Variants in JMJD1C observed in about 807,000 individuals in gnomAD.
JMJD1C encodes jumonji domain containing 1C, also known as jumonji domain-containing protein 1C.
JMJD1C carries 31 observed loss-of-function variants against 245.3 expected under a neutral mutation model. The ratio of observed to expected loss-of-function variants is 0.13; its 90% CI spans 0.09 to 0.17. JMJD1C has a LOEUF of 0.17. Ranked by LOEUF, JMJD1C falls within the 10% of genes least tolerant of loss-of-function variation. JMJD1C has a pLI of 1.00. For synonymous variants in JMJD1C, 1,057 were observed against 1,017.4 expected (o/e 1.04, Z -0.74); for missense variants, 2,691 against 3,000.2 (o/e 0.90, Z 2.41).
intron 2 of JMJD1C, among the ~76,000 whole-genome samples, chr10:63,366,327 CCA>C (rs1356896053): frequency 1.3e-5 from 2 of 152,102 alleles, no homozygotes; most frequent in African/African-American, 4.8e-5. Context: ...GTCTATGATA[CCA>C]CAGAGAGAGG....
chr10:63,204,526 GA>G (rs1846378165), intron 10 of JMJD1C: 4 of 985,246 alleles, frequency 4.1e-6, no homozygotes, highest in South Asian at 9.4e-5. Context: ...TCAAGTATCT[GA>G]ACACCCAACA....
At position 63,214,713 on chromosome 10, in the gene JMJD1C, A is replaced by G. The variant is rs747081047; in HGVS notation, c.1454T>C (p.Met485Thr). Residue 485 changes from methionine (M) to threonine (T), a missense_variant, in exon 8 of 26, where the codon ATG becomes ACG. Met to Thr is a moderately conservative substitution (Grantham distance 81, BLOSUM62 -1). This residue lies in a region of JMJD1C where 1,562 missense variants were observed against 1,490.7 expected (regional missense o/e 1.05). Coordinates refer to ENST00000399262, the MANE Select transcript of JMJD1C (RefSeq NM_032776.3). The stretch of plus-strand genomic sequence containing the variant: ...CAATTCCATGGTATGTGTTTTATCC[A>G]TATTGCATTCCTGAGGAAGTAAATC... The part of the protein sequence containing the change: ...SNDLLPQECN[M>T]DKTHTMELLP... 9.9e-6 allele frequency: 16 copies of G among 1,613,896 alleles called. No individual in the cohort carries two copies. Among genetic ancestry groups the G allele is most frequent in the Admixed American group, 3.3e-5 (2 of 60,002 alleles).
intron 1 of JMJD1C, among the ~76,000 whole-genome samples, chr10:63,436,485 C>A (rs923466489): frequency 6.6e-6 from 1 of 152,106 alleles, no homozygotes; most frequent in Non-Finnish European, 1.5e-5. Context: ...AAAATCAGTA[C>A]CTTGAAATCT....
intron 11 of JMJD1C, 98 bp downstream of exon 11, chr10:63,200,374 GACTT>G: frequency 2.4e-6 from 2 of 817,026 alleles, no homozygotes; most frequent in South Asian, 3.2e-5. Context: ...GAGACTCAAA[GACTT>G]ACTCCCCCAT....
chr10:63,401,168 C>T (rs1948829982), intron 1 of JMJD1C, among the ~76,000 whole-genome samples: 1 of 152,154 alleles, frequency 6.6e-6, no homozygotes, highest in Non-Finnish European at 1.5e-5. Flanking sequence ...CTCGTTTCCT[C>T]TCTTGCGGTA....
In JMJD1C at chr10:63,248,529, G is replaced by GATAGATAGATAGATAAATAA. The variant is rs566828473; in HGVS notation, c.447+16121_447+16122insTTATTTATCTATCTATCTAT. Among the ~76,000 whole-genome samples, 666 of 137,036 alleles carry GATAGATAGATAGATAAATAA rather than the reference G, an allele frequency of 4.9e-3. 1 individual carries two copies. The highest frequency in any genetic ancestry group is 8.0e-3 in the African/African-American group (289 of 35,992). 89.9% of individuals were successfully genotyped at this position (137,036 alleles called of 152,430 possible). A position where few individuals can be genotyped will look rare whatever the true frequency, so the allele number is the denominator to read the frequency against. Reference sequence around the variant, plus strand: ...GAATGAGACCTCATCTCAATAGATAGATAAATAAATAAATAAATAAATAAA... The same window carrying GATAGATAGATAGATAAATAA: ...GAATGAGACCTCATCTCAATAGATAGATAGATAGATAGATAAATAAATAAATAAATAAATAAATAAATAAA... On this transcript the variant is annotated intron_variant, in intron 3 of 25. Transcript: ENST00000399262.
intron 2 of JMJD1C, among the ~76,000 whole-genome samples, chr10:63,325,633 TGATTA>T (rs1589482791): frequency 1.3e-5 from 2 of 151,294 alleles, no homozygotes; most frequent in Non-Finnish European, 3.0e-5. Flanking sequence ...TAAATACAAC[TGATTA>T]GATATCTAAT....
At position 63,214,892 on chromosome 10, in the gene JMJD1C, C is replaced by G; in HGVS notation, c.1275G>C (p.Glu425Asp). 1.9e-6 allele frequency: 3 copies of G among 1,613,574 alleles called. No homozygotes were observed. The highest frequency in any genetic ancestry group is 2.5e-6 in the Non-Finnish European group (3 of 1,179,732). ...KPHNNEKAGE[E>D]TLKNSQPPWD... The stretch of plus-strand genomic sequence containing the variant: ...AGGGAGGCTGGCTATTTTTTAGGGT[C>G]TCTTCTCCTGCCTTCTCATTATTAT... The change falls in exon 8 of 26, where the codon GAG becomes GAC. Residue 425 changes from glutamate to aspartate, a missense_variant. Transcript: ENST00000399262.
chr10:63,259,569 A>G (rs1854435739), intron 3 of JMJD1C, among the ~76,000 whole-genome samples: 1 of 152,232 alleles, frequency 6.6e-6, no homozygotes, highest in African/African-American at 2.4e-5. Context: ...TATATGATCA[A>G]TGATGAAAGA....
At chr10:63,267,545 TA>T (rs1167648113) in intron 2 of JMJD1C, among the ~76,000 whole-genome samples, 1 of 152,094 alleles carries the variant, frequency 6.6e-6, no homozygotes, top group Non-Finnish European at 1.5e-5. Flanking sequence ...ACTCTAAAGA[TA>T]TATCATTCTA....
At chr10:63,309,494 CAAA>C (rs71025153) in intron 2 of JMJD1C, among the ~76,000 whole-genome samples, 2 of 49,408 alleles carry the variant, frequency 4.0e-5, no homozygotes, top group Non-Finnish European at 6.7e-5. Context: ...GACTCCATCT[CAAA>C]AAAAAAAAAA....
At chr10:63,356,317 C>T (rs758741248) in intron 2 of JMJD1C, among the ~76,000 whole-genome samples, 1 of 152,166 alleles carries the variant, frequency 6.6e-6, no homozygotes, top group Non-Finnish European at 1.5e-5. Flanking sequence ...GAGATACAGA[C>T]ACATGAAATA....
rs1281064297 is a variant in JMJD1C, at chr10:63,214,802, C to T, written c.1365G>A (p.Gln455=). The T allele has an allele frequency of 1.9e-6, 3 of 1,613,804 alleles. No individual in the cohort carries two copies. Among genetic ancestry groups the T allele is most frequent in the Non-Finnish European group, 2.5e-6 (3 of 1,179,886 alleles). Residue 455 remains glutamine (Q), a synonymous_variant, in exon 8 of 26, where the codon CAG becomes CAA. Coordinates refer to ENST00000399262, the MANE Select transcript of JMJD1C (RefSeq NM_032776.3). ...EAEKRKSVDT[Q]LQEDMIIHSS... ...AATGAATAATCATATCTTCTTGAAG[C>T]TGAGTGTCAACAGACTTCCGCTTCT...
rs190796157 is a variant in JMJD1C at position 63,334,382 on chromosome 10, T to G, written c.333+45936A>C. The stretch of plus-strand genomic sequence containing the variant: ...AAATACTAATGAACACAGATGAATA[T>G]GATCTATACTTCTATATGTCAGGAA... On this transcript the variant is annotated intron_variant, in intron 2 of 25. Transcript: ENST00000399262. Among the ~76,000 whole-genome samples the G allele has an allele frequency of 2.6e-5, 4 of 152,312 alleles. No individual in the cohort carries two copies. In the East Asian group the frequency reaches 7.7e-4, roughly 29 times the overall value.
chr10:63,264,561 G>T (rs1163883752), intron 3 of JMJD1C, 90 bp downstream of exon 3: 5 of 619,400 alleles, frequency 8.1e-6, no homozygotes, highest in Non-Finnish European at 1.1e-5. Flanking sequence ...TAGATGAAAT[G>T]ATATTTAAAG....
rs746011906 is a variant in JMJD1C at position 63,184,755 on chromosome 10, T to C, written c.6831-17A>G. 6.3e-6 allele frequency: 10 copies of C among 1,593,428 alleles called. No individual in the cohort carries two copies. The highest frequency in any genetic ancestry group is 4.1e-5 in the African/African-American group (3 of 73,624). ...TCTTCGTATCTGAAGAAAAACAACA[T>C]TGCCTTCTTATAAATAAAGATTTGC... On this transcript the variant is annotated splice_polypyrimidine_tract_variant and intron_variant, in intron 20 of 25. Transcript: ENST00000399262.
intron 3 of JMJD1C, among the ~76,000 whole-genome samples, chr10:63,242,278 T>C (rs192752987): frequency 7.9e-4 from 121 of 152,344 alleles, no homozygotes; most frequent in African/African-American, 2.7e-3. Context: ...GGTATATACA[T>C]GCACTGTCCC....
At chr10:63,370,688 C>T (rs1382607145) in intron 2 of JMJD1C, among the ~76,000 whole-genome samples, 2 of 152,214 alleles carry the variant, frequency 1.3e-5, no homozygotes, top group Non-Finnish European at 2.9e-5. Context: ...ATGGTTTAAG[C>T]TGTCATTTTT....
At chr10:63,184,239 ATTTTT>A (rs34600901) in intron 21 of JMJD1C, among the ~76,000 whole-genome samples, 1 of 131,386 alleles carries the variant, frequency 7.6e-6, no homozygotes, top group African/African-American at 2.8e-5. Context: ...TTGAACAGAA[ATTTTT>A]TTTTTTTTTT....
Sources: gnomAD v4.1 joint callset for allele counts (sites outside exome capture counted in the v4.1 genomes callset) on GRCh38, gnomAD v4.1.1 for gene constraint, gnomAD v4.1.1 regional missense constraint, MANE v1.5 for transcripts, NCBI Gene and HGNC (gene_info 2026-07-23, HGNC 2026-07-21) for gene names.